The following AGBL4 variants were observed in gnomAD, a reference collection of about 807,000 sequenced individuals.
AGBL4 encodes the protein cytosolic carboxypeptidase 6.
A neutral mutation model predicts 66.4 loss-of-function variants in AGBL4; 58 were observed. The observed-to-expected ratio is 0.87, with a 90% CI of 0.71 to 1.09. The LOEUF (loss-of-function observed/expected upper bound fraction) is 1.09, where lower values mean the gene tolerates loss of function less well. AGBL4 is among the 50% of genes least tolerant of loss of function. AGBL4 has a pLI of 0.00. For synonymous variants in AGBL4, 234 were observed against 222.9 expected (o/e 1.05, Z -0.44); for missense variants, 579 against 631.0 (o/e 0.92, Z 0.88).
chr1:48,637,390 C>G (rs1645684373), intron 8 of AGBL4, among the ~76,000 whole-genome samples: 1 of 152,100 alleles, frequency 6.6e-6, no homozygotes, highest in Non-Finnish European at 1.5e-5. Flanking sequence ...TGGGGAATGC[C>G]CAGCATCTAA....
chr1:49,245,187 C>A (rs1450635297), intron 4 of AGBL4, among the ~76,000 whole-genome samples: 1 of 150,336 alleles, frequency 6.7e-6, no homozygotes, highest in African/African-American at 2.4e-5. Context: ...ATCATTATTA[C>A]AATTATTAAC....
At chr1:48,957,553 T>C (rs1657584639) in intron 5 of AGBL4, among the ~76,000 whole-genome samples, 1 of 152,208 alleles carries the variant, frequency 6.6e-6, no homozygotes, top group Non-Finnish European at 1.5e-5. Flanking sequence ...CCAATTTATT[T>C]GTACTCCTCT....
At chr1:48,872,774 C>G (rs577677340) in intron 5 of AGBL4, among the ~76,000 whole-genome samples, 24 of 152,206 alleles carry the variant, frequency 1.6e-4, no homozygotes, top group Non-Finnish European at 5.9e-5. Flanking sequence ...GCTCTGTTAT[C>G]CTAGGCAAGT....
chr1:48,759,092 C>T (rs763093466), intron 6 of AGBL4: 3 of 1,612,364 alleles, frequency 1.9e-6, no homozygotes, highest in Non-Finnish European at 2.5e-6. Context: ...CGCAGCAGCT[C>T]CTCATACAGA....
chr1:49,901,380 C>T (rs527863768), intron 1 of AGBL4, among the ~76,000 whole-genome samples: 3 of 152,258 alleles, frequency 2.0e-5, no homozygotes, highest in African/African-American at 7.2e-5. Context: ...AAATCACTGG[C>T]ATTCCTATAC....
At chr1:48,777,873 G>C (rs1416350782) in intron 6 of AGBL4, among the ~76,000 whole-genome samples, 2 of 152,126 alleles carry the variant, frequency 1.3e-5, no homozygotes, top group Non-Finnish European at 2.9e-5. Flanking sequence ...GTACTCCATG[G>C]AATAGCGGTC....
chr1:48,622,515 GCT>G (rs1193750460), intron 9 of AGBL4, among the ~76,000 whole-genome samples: 5 of 110,638 alleles, frequency 4.5e-5, no homozygotes, highest in Non-Finnish European at 8.4e-5. Flanking sequence ...ATGGAGTCTT[GCT>G]CTGTCACCCA....
At chr1:49,366,065 C>T (rs1644235940) in intron 3 of AGBL4, among the ~76,000 whole-genome samples, 1 of 152,122 alleles carries the variant, frequency 6.6e-6, no homozygotes, top group African/African-American at 2.4e-5. Flanking sequence ...CTCCTACATC[C>T]CTACTTCCTT....
chr1:49,954,333 C>G (rs1397970281), intron 1 of AGBL4, among the ~76,000 whole-genome samples: 1 of 151,904 alleles, frequency 6.6e-6, no homozygotes, highest in Non-Finnish European at 1.5e-5. Flanking sequence ...AGAGGTGGAA[C>G]CTTTAAGAAG....
At chr1:49,884,531 A>T (rs1647805685) in intron 1 of AGBL4, among the ~76,000 whole-genome samples, 1 of 151,928 alleles carries the variant, frequency 6.6e-6, no homozygotes, top group South Asian at 2.1e-4. Flanking sequence ...TCTTGGTGAA[A>T]AGTAATGTAA....
At chr1:49,767,784 A>G (rs903659881) in intron 2 of AGBL4, among the ~76,000 whole-genome samples, 7 of 152,042 alleles carry the variant, frequency 4.6e-5, no homozygotes, top group African/African-American at 1.7e-4. Context: ...TCCCAAAGAA[A>G]TTAAAAAAAG....
chr1:49,599,091 T>A (rs1027763319), intron 3 of AGBL4, among the ~76,000 whole-genome samples: 7 of 152,156 alleles, frequency 4.6e-5, no homozygotes, highest in Admixed American at 3.3e-4. Context: ...CTGCCAGGTG[T>A]TGGTATCAGG....
chr1:49,036,974 C>T (rs892400819), intron 5 of AGBL4, among the ~76,000 whole-genome samples: 31 of 151,800 alleles, frequency 2.0e-4, no homozygotes, highest in African/African-American at 6.5e-4. Flanking sequence ...GGATGGAGCA[C>T]GGCTGCTGAA....
chr1:48,958,974 T>G (rs1239315226), intron 5 of AGBL4, among the ~76,000 whole-genome samples: 1 of 152,268 alleles, frequency 6.6e-6, no homozygotes, highest in African/African-American at 2.4e-5. Context: ...CCTATTAGAC[T>G]ATAGACTCCT....
intron 7 of AGBL4, among the ~76,000 whole-genome samples, chr1:48,659,012 G>C (rs1432314780): frequency 1.3e-5 from 2 of 152,164 alleles, no homozygotes; most frequent in African/African-American, 2.4e-5. Context: ...CAGGCTGGGA[G>C]GCAGGAGACC....
chr1:49,743,618 G>A (rs922884362), intron 2 of AGBL4, among the ~76,000 whole-genome samples: 3 of 152,048 alleles, frequency 2.0e-5, no homozygotes, highest in Admixed American at 6.6e-5. Flanking sequence ...GTTTATTGTG[G>A]CACTATTCAC....
chr1:48,925,532 C>T (rs985057883), intron 5 of AGBL4, among the ~76,000 whole-genome samples: 1 of 151,868 alleles, frequency 6.6e-6, no homozygotes, highest in Admixed American at 6.6e-5. Context: ...TTTTTAAAAG[C>T]TCATCAGCTA....
intron 6 of AGBL4, among the ~76,000 whole-genome samples, chr1:48,676,955 C>T (rs76521728): frequency 0.011 from 1,697 of 152,190 alleles, 33 homozygotes; most frequent in African/African-American, 0.037. Flanking sequence ...GACCAGTGGT[C>T]TAGTGTGAGC....
intron 3 of AGBL4, among the ~76,000 whole-genome samples, chr1:49,409,149 G>GCTCTCTCTCTCT (rs373757168): frequency 0.034 from 5,020 of 145,916 alleles, 126 homozygotes; most frequent in Middle Eastern, 0.046. Context: ...ACTCTCTCTG[G>GCTCTCTCTCTCT]CTCTCTCTCT....
Sources: allele counts gnomAD v4.1 joint callset (sites outside exome capture counted in the v4.1 genomes callset), GRCh38; gene constraint gnomAD v4.1.1; transcripts MANE v1.5; gene names NCBI Gene and HGNC (gene_info 2026-07-23, HGNC 2026-07-21).